MVB12B: variants seen among roughly 807,000 people sequenced by gnomAD.
MVB12B encodes ESCRT-I complex subunit MVB12B.
MVB12B carries 16 observed loss-of-function variants against 41.6 expected under a neutral mutation model. The ratio of observed to expected loss-of-function variants is 0.38; its 90% CI spans 0.26 to 0.58. The LOEUF (loss-of-function observed/expected upper bound fraction) is 0.58, where lower values mean the gene tolerates loss of function less well. MVB12B is among the 20% of genes least tolerant of loss of function. The pLI, the probability that MVB12B is intolerant of heterozygous loss-of-function variation, is 0.62. For missense variants in MVB12B, 274 were observed against 380.2 expected (o/e 0.72, Z 2.32); for synonymous variants, 133 against 139.7 (o/e 0.95, Z 0.34).
rs543515825 is a variant in MVB12B at position 126,470,940 on chromosome 9, C to T, written c.758-10429C>T. Reference sequence around the variant, plus strand: ...AGCAGTAATAACACTAACACTAATACGAATGGCTAACAGTTACTGAGCAGT... The same window carrying T: ...AGCAGTAATAACACTAACACTAATATGAATGGCTAACAGTTACTGAGCAGT... On this transcript the variant is annotated intron_variant, in intron 7 of 9. Coordinates refer to ENST00000361171, the MANE Select transcript of MVB12B (RefSeq NM_033446.3). Among the ~76,000 whole-genome samples the T allele has an allele frequency of 8.5e-5, 13 of 152,244 alleles. No individual in the cohort carries two copies. In the South Asian group the frequency reaches 2.5e-3, roughly 29 times the overall value.
At chr9:126,489,940 A>G (rs1032607557) in intron 9 of MVB12B, among the ~76,000 whole-genome samples, 2 of 151,910 alleles carry the variant, frequency 1.3e-5, no homozygotes, top group African/African-American at 4.8e-5. Flanking sequence ...CCTCCCCTCC[A>G]GTTTGGCTCT....
chr9:126,441,064 G>A (rs1471567328), intron 7 of MVB12B, among the ~76,000 whole-genome samples: 5 of 152,208 alleles, frequency 3.3e-5, no homozygotes, highest in Non-Finnish European at 7.3e-5. Context: ...CTGTTCTCCC[G>A]ATGCAGCCCT....
At chr9:126,370,379 C>CT (rs375770122) in intron 2 of MVB12B, among the ~76,000 whole-genome samples, 31,100 of 131,638 alleles carry the variant, frequency 0.24, 4,513 homozygotes, top group East Asian at 0.43. Context: ...GGGAGGGGCT[C>CT]TTTTTTTTTT....
chr9:126,335,484 G>T (rs575234140), intron 1 of MVB12B: 2 of 1,075,806 alleles, frequency 1.9e-6, no homozygotes, highest in African/African-American at 1.6e-5. Context: ...CTGGCCACAG[G>T]TTCCCTCCTT....
intron 9 of MVB12B, among the ~76,000 whole-genome samples, chr9:126,498,436 C>T (rs536212253): frequency 7.9e-5 from 12 of 152,348 alleles, no homozygotes; most frequent in African/African-American, 2.9e-4. Flanking sequence ...CCTTTGGTTC[C>T]CTCCCACCTG....
chr9:126,368,921 C>T (rs1830259247), intron 2 of MVB12B, among the ~76,000 whole-genome samples: 1 of 152,154 alleles, frequency 6.6e-6, no homozygotes, highest in South Asian at 2.1e-4. Flanking sequence ...GCCATCAGCT[C>T]ATGCTTTATT....
chr9:126,503,378 G>T lies in MVB12B; in HGVS notation c.*115G>T, dbSNP rs1834003680. ...CAGCCCTCCCTCCCACACTGCCCCA[G>T]CAGGGCTGGCCCGGAGACTGGGCAG... is the stretch of plus-strand genomic sequence containing the variant. On this transcript the variant is annotated 3_prime_UTR_variant, in exon 10 of 10. Transcript: ENST00000361171. 2.5e-5 allele frequency: 21 copies of T among 847,428 alleles called. No homozygotes were observed. The highest frequency in any genetic ancestry group is 3.7e-5 in the Non-Finnish European group (20 of 547,712). 52.5% of individuals were successfully genotyped at this position (847,428 alleles called of 1,614,324 possible).
At chr9:126,496,330 C>T (rs951699817) in intron 9 of MVB12B, among the ~76,000 whole-genome samples, 14 of 146,306 alleles carry the variant, frequency 9.6e-5, no homozygotes, top group African/African-American at 3.6e-4. Flanking sequence ...CCCTTCCACC[C>T]ATCCACATAT....
At chr9:126,347,207 C>A (rs1443754462) in intron 2 of MVB12B, among the ~76,000 whole-genome samples, 2 of 152,206 alleles carry the variant, frequency 1.3e-5, no homozygotes, top group Non-Finnish European at 2.9e-5. Flanking sequence ...GACCCAGAGC[C>A]CAGTCTGAGA....
At chr9:126,397,707 T>G (rs1217862792) in intron 6 of MVB12B, 4 of 876,830 alleles carry the variant, frequency 4.6e-6, no homozygotes, top group African/African-American at 1.8e-5. Context: ...GGTTTTTTGG[T>G]TTTTGTGGGG....
chr9:126,462,138 C>T (rs577168458), intron 7 of MVB12B, among the ~76,000 whole-genome samples: 1 of 152,160 alleles, frequency 6.6e-6, no homozygotes, highest in East Asian at 1.9e-4. Flanking sequence ...ACAAACTGCT[C>T]GATAGATACA....
chr9:126,404,983 A>G (rs1200258059), intron 6 of MVB12B, among the ~76,000 whole-genome samples: 1 of 152,240 alleles, frequency 6.6e-6, no homozygotes, highest in Non-Finnish European at 1.5e-5. Flanking sequence ...GTATTGTTAG[A>G]TATGAATGAT....
intron 6 of MVB12B, among the ~76,000 whole-genome samples, chr9:126,416,336 A>G (rs1831824105): frequency 6.6e-6 from 1 of 152,310 alleles, no homozygotes; most frequent in African/African-American, 2.4e-5. Context: ...GCCAAAGGCC[A>G]TGTGACTCCC....
At chr9:126,331,509 C>T (rs926143722) in intron 1 of MVB12B, among the ~76,000 whole-genome samples, 5 of 152,192 alleles carry the variant, frequency 3.3e-5, no homozygotes, top group African/African-American at 1.2e-4. Flanking sequence ...TATAGATCCA[C>T]ATATTAACTC....
chr9:126,329,369 C>T lies in MVB12B; in HGVS notation c.81+2359C>T, dbSNP rs928835035. On this transcript the variant is annotated intron_variant, in intron 1 of 9. Transcript: ENST00000361171. ...GCGGTCCTCATGAAATTTAAGTGTGCGATTCAGCATCCAGCAGCAGATCAT... is the reference window on the plus strand; with the variant it reads ...GCGGTCCTCATGAAATTTAAGTGTGTGATTCAGCATCCAGCAGCAGATCAT... Among the ~76,000 whole-genome samples the T allele has an allele frequency of 5.9e-5, 9 of 152,166 alleles. No homozygotes were observed. In the East Asian group the frequency reaches 9.6e-4, roughly 16 times the overall value.
intron 8 of MVB12B, among the ~76,000 whole-genome samples, chr9:126,482,286 A>C (rs896294289): frequency 1.3e-5 from 2 of 152,242 alleles, no homozygotes; most frequent in Admixed American, 1.3e-4. Context: ...ACTAGCTAAT[A>C]AACATGAAGG....
chr9:126,452,074 G>A (rs1832898396), intron 7 of MVB12B, among the ~76,000 whole-genome samples: 1 of 152,182 alleles, frequency 6.6e-6, no homozygotes, highest in Admixed American at 6.5e-5. Flanking sequence ...CGGAGGCAGG[G>A]GATCCTTGTG....
chr9:126,446,938 C>CTTTTTTTTTTTTTTTTTTTTT (rs33991689), intron 7 of MVB12B, among the ~76,000 whole-genome samples: 4 of 104,320 alleles, frequency 3.8e-5, no homozygotes, highest in East Asian at 2.7e-4. Flanking sequence ...TTTTAACTTT[C>CTTTTTTTTTTTTTTTTTTTTT]TTTTTTTTTT....
At chr9:126,458,523 A>G (rs1833030728) in intron 7 of MVB12B, among the ~76,000 whole-genome samples, 1 of 151,884 alleles carries the variant, frequency 6.6e-6, no homozygotes, top group African/African-American at 2.4e-5. Context: ...TTCACGTGAT[A>G]TTCTTCTTCC....
Sources: gnomAD v4.1 joint callset for allele counts (sites outside exome capture counted in the v4.1 genomes callset) on GRCh38, gnomAD v4.1.1 for gene constraint, MANE v1.5 for transcripts, NCBI Gene and HGNC (gene_info 2026-07-23, HGNC 2026-07-21) for gene names.